The following NEGR1 variants were observed in gnomAD, a reference collection of about 807,000 sequenced individuals.
NEGR1 encodes neuronal growth regulator 1.
A neutral mutation model predicts 40.9 loss-of-function variants in NEGR1; 10 were observed. That is an observed-to-expected ratio of 0.24 (90% CI 0.15 to 0.42). The LOEUF is 0.42. NEGR1 is among the 10% of genes least tolerant of loss of function. The pLI, the probability that NEGR1 is intolerant of heterozygous loss-of-function variation, is 1.00. For synonymous variants in NEGR1, 185 were observed against 166.8 expected, an observed-to-expected ratio of 1.11 and a Z score of -0.84; for missense variants, 352 against 438.9, an observed-to-expected ratio of 0.80 and a Z score of 1.77.
chr1:71,543,353 A>G (rs377400695), intron 6 of NEGR1, among the ~76,000 whole-genome samples: 1 of 151,724 alleles, frequency 6.6e-6, no homozygotes, highest in Non-Finnish European at 1.5e-5. Flanking sequence ...CAAGATGGTA[A>G]GAGTTCTATT....
intron 1 of NEGR1, among the ~76,000 whole-genome samples, chr1:72,181,728 C>T (rs1011579425): frequency 1.3e-5 from 2 of 152,082 alleles, no homozygotes; most frequent in African/African-American, 2.4e-5. Flanking sequence ...GAGATCTTGC[C>T]ATTTGTCACA....
chr1:71,611,966 T>C (rs1005463259), intron 4 of NEGR1, among the ~76,000 whole-genome samples: 11 of 152,334 alleles, frequency 7.2e-5, no homozygotes, highest in Admixed American at 5.9e-4. Context: ...CTCACGCCTG[T>C]AATCCCAGCA....
intron 2 of NEGR1, among the ~76,000 whole-genome samples, chr1:71,855,096 C>T (rs1421007773): frequency 1.3e-5 from 2 of 152,100 alleles, no homozygotes; most frequent in Non-Finnish European, 2.9e-5. Context: ...TCCTTAAATA[C>T]TCCCCAAACA....
intron 1 of NEGR1, among the ~76,000 whole-genome samples, chr1:72,154,364 G>T (rs754205200): frequency 1.3e-5 from 2 of 151,844 alleles, no homozygotes; most frequent in Non-Finnish European, 2.9e-5. Flanking sequence ...TCCATGAATG[G>T]CTAATTGTTG....
chr1:72,075,372 A>G (rs893404742), intron 1 of NEGR1, among the ~76,000 whole-genome samples: 2 of 152,204 alleles, frequency 1.3e-5, no homozygotes, highest in African/African-American at 2.4e-5. Context: ...CTTTTACTCT[A>G]AATTCTAATT....
intron 1 of NEGR1, among the ~76,000 whole-genome samples, chr1:72,107,374 A>T (rs1220318115): frequency 7.9e-5 from 12 of 151,796 alleles, no homozygotes; most frequent in Non-Finnish European, 1.8e-4. Flanking sequence ...TGAAAAAAAA[A>T]TTAGCCTGGG....
chr1:71,705,637 G>A (rs552203229), intron 3 of NEGR1, among the ~76,000 whole-genome samples: 3 of 152,102 alleles, frequency 2.0e-5, no homozygotes, highest in African/African-American at 7.2e-5. Context: ...GGAAAATGGC[G>A]CGAACCCAGG....
At chr1:71,413,142 A>G (rs906574201) in intron 6 of NEGR1, among the ~76,000 whole-genome samples, 1 of 152,184 alleles carries the variant, frequency 6.6e-6, no homozygotes, top group African/African-American at 2.4e-5. Context: ...TCATTTGCAA[A>G]TGAGGATTGG....
chr1:71,559,033 A>G (rs1303268563), intron 6 of NEGR1, among the ~76,000 whole-genome samples: 2 of 119,780 alleles, frequency 1.7e-5, no homozygotes, highest in Non-Finnish European at 3.5e-5. Flanking sequence ...ATATATATAT[A>G]TATATATATA....
At chr1:72,168,772 C>T (rs1030022847) in intron 1 of NEGR1, among the ~76,000 whole-genome samples, 10 of 152,032 alleles carry the variant, frequency 6.6e-5, no homozygotes, top group Non-Finnish European at 8.8e-5. Flanking sequence ...TGGTGGCTTG[C>T]GCCTGTAGTC....
At chr1:71,612,912 T>A (rs1650309758) in intron 4 of NEGR1, among the ~76,000 whole-genome samples, 2 of 152,134 alleles carry the variant, frequency 1.3e-5, no homozygotes, top group South Asian at 4.1e-4. Context: ...CAATTTTCAG[T>A]GGATTCCAAG....
chr1:71,489,931 C>T (rs1286773917), intron 6 of NEGR1: 5 of 151,828 alleles, frequency 3.3e-5, no homozygotes, highest in Non-Finnish European at 7.4e-5. Flanking sequence ...AAAGTCCTTC[C>T]CCCGCTCACC....
intron 1 of NEGR1, among the ~76,000 whole-genome samples, chr1:72,012,842 C>CATATATATATAT (rs375131531): frequency 0.037 from 5,188 of 140,002 alleles, 123 homozygotes; most frequent in South Asian, 0.1. Context: ...TATATACATA[C>CATATATATATAT]ATATATATAT....
chr1:71,693,934 T>C (rs1653384054), intron 4 of NEGR1, among the ~76,000 whole-genome samples: 1 of 151,774 alleles, frequency 6.6e-6, no homozygotes, highest in Non-Finnish European at 1.5e-5. Context: ...CATCACACTT[T>C]CTAAATTTTT....
chr1:71,711,570 C>G (rs1362913495), intron 3 of NEGR1, among the ~76,000 whole-genome samples: 1 of 151,378 alleles, frequency 6.6e-6, no homozygotes, highest in Non-Finnish European at 1.5e-5. Flanking sequence ...AATGGTGTGG[C>G]CACTTTGGAA....
At chr1:71,674,716 T>C (rs10889925) in intron 4 of NEGR1, among the ~76,000 whole-genome samples, 149,591 of 152,126 alleles carry the variant, frequency 0.98, 73,589 homozygotes, top group Middle Eastern at 1. Context: ...ACGAGATTGC[T>C]TTCAATGAAC....
chr1:71,935,965 AT>A (rs1256848358), intron 1 of NEGR1, among the ~76,000 whole-genome samples: 1 of 151,918 alleles, frequency 6.6e-6, no homozygotes, highest in East Asian at 1.9e-4. Flanking sequence ...TGCCCAGCTA[AT>A]TTTTGTATTT....
At chr1:72,001,815 A>G (rs1227125648) in intron 1 of NEGR1, among the ~76,000 whole-genome samples, 1 of 151,906 alleles carries the variant, frequency 6.6e-6, no homozygotes, top group Non-Finnish European at 1.5e-5. Context: ...GTATCTTCCT[A>G]GAGGCTACCC....
intron 1 of NEGR1, among the ~76,000 whole-genome samples, chr1:72,001,027 C>T (rs1416883643): frequency 6.6e-6 from 1 of 151,992 alleles, no homozygotes; most frequent in African/African-American, 2.4e-5. Flanking sequence ...AACTCCATCC[C>T]CCGACACATG....
Sources: allele counts gnomAD v4.1 joint callset (sites outside exome capture counted in the v4.1 genomes callset), GRCh38; gene constraint gnomAD v4.1.1; transcripts MANE v1.5; gene names NCBI Gene and HGNC (gene_info 2026-07-23, HGNC 2026-07-21).